ZRANB3: variants seen among roughly 807,000 people sequenced by gnomAD.
The protein encoded by ZRANB3 is DNA annealing helicase and endonuclease ZRANB3.
A neutral mutation model predicts 133.8 loss-of-function variants in ZRANB3; 125 were observed. The ratio of observed to expected loss-of-function variants is 0.93; its 90% CI spans 0.81 to 1.08. ZRANB3 has a LOEUF of 1.08. Among genes scored for constraint, ZRANB3 ranks in the 50% least tolerant of loss-of-function variants. The pLI is 0.00. For synonymous variants in ZRANB3, 387 were observed against 432.7 expected (o/e 0.89, Z 1.31); for missense variants, 1,229 against 1,275.5 (o/e 0.96, Z 0.56).
In ZRANB3 at chr2:135,343,592, TA is replaced by T. The variant is rs1301386639; in HGVS notation, c.677+1957del. ...CATGTGGTGTTATTTAAAGGAATTA[TA>T]AAAAAAAAATGCATTGGGAAACAAA... On this transcript the variant is annotated intron_variant, in intron 6 of 20. Transcript: ENST00000264159. 3.2e-4 allele frequency among the ~76,000 whole-genome samples: 46 copies of T among 144,566 alleles called. 1 individual carries two copies. Among genetic ancestry groups the T allele is most frequent in the Middle Eastern group, 6.9e-3 (2 of 288 alleles). The allele number at this position is 144,566 out of a possible 152,430, so 94.8% of individuals were successfully genotyped here.
intron 2 of ZRANB3, among the ~76,000 whole-genome samples, chr2:135,459,098 T>G (rs1238157577): frequency 6.6e-6 from 1 of 152,098 alleles, no homozygotes; most frequent in Non-Finnish European, 1.5e-5. Context: ...TGATAAAAAC[T>G]AAATGAAAGT....
At chr2:135,272,565 C>T (rs1338704405) in intron 9 of ZRANB3, among the ~76,000 whole-genome samples, 1 of 151,674 alleles carries the variant, frequency 6.6e-6, no homozygotes, top group East Asian at 1.9e-4. Flanking sequence ...AGGCGCCCGC[C>T]ACCACGCCCG....
At chr2:135,388,022 C>G (rs1427065242) in intron 3 of ZRANB3, among the ~76,000 whole-genome samples, 2 of 152,044 alleles carry the variant, frequency 1.3e-5, no homozygotes, top group East Asian at 3.9e-4. Flanking sequence ...AAAGACATAC[C>G]CGAGTCTGGG....
intron 2 of ZRANB3, among the ~76,000 whole-genome samples, chr2:135,415,753 C>T (rs1006999454): frequency 2.7e-4 from 40 of 150,054 alleles, no homozygotes; most frequent in East Asian, 1.6e-3. Flanking sequence ...AAAAAGCTTA[C>T]CCACCATGAT....
At chr2:135,477,908 G>C (rs1047915203) in intron 2 of ZRANB3, among the ~76,000 whole-genome samples, 26 of 152,018 alleles carry the variant, frequency 1.7e-4, no homozygotes, top group Non-Finnish European at 1.0e-4. Context: ...AGGACTGTTT[G>C]AGCCCTAGAG....
At chr2:135,373,703 G>A (rs962730472) in intron 3 of ZRANB3, among the ~76,000 whole-genome samples, 3 of 150,714 alleles carry the variant, frequency 2.0e-5, no homozygotes, top group African/African-American at 4.9e-5. Flanking sequence ...CATAAGAATC[G>A]CTTGAACACA....
At chr2:135,216,706 T>C (rs566205304) in intron 17 of ZRANB3, among the ~76,000 whole-genome samples, 1 of 152,144 alleles carries the variant, frequency 6.6e-6, no homozygotes, top group Non-Finnish European at 1.5e-5. Context: ...TCCCAAAGTG[T>C]TGGGATTACA....
chr2:135,372,215 A>C (rs1435474166), intron 3 of ZRANB3, among the ~76,000 whole-genome samples: 1 of 151,882 alleles, frequency 6.6e-6, no homozygotes, highest in African/African-American at 2.4e-5. Context: ...TTCAGAAAGC[A>C]ATCTCACCCC....
intron 2 of ZRANB3, among the ~76,000 whole-genome samples, chr2:135,412,472 T>C (rs1387367324): frequency 1.3e-5 from 2 of 152,194 alleles, no homozygotes; most frequent in Admixed American, 6.5e-5. Context: ...GCTTACTTTT[T>C]GTTGCTTTTT....
intron 17 of ZRANB3, 109 bp downstream of exon 17, chr2:135,217,356 A>G: frequency 9.3e-7 from 1 of 1,071,138 alleles, no homozygotes; most frequent in Non-Finnish European, 1.3e-6. Context: ...TAATTTTCTC[A>G]TAACTCATCA....
At chr2:135,479,403 G>A (rs1350243698) in intron 2 of ZRANB3, among the ~76,000 whole-genome samples, 1 of 152,146 alleles carries the variant, frequency 6.6e-6, no homozygotes, top group African/African-American at 2.4e-5. Flanking sequence ...GGGAGGCTGA[G>A]GCAGGCAGAT....
chr2:135,473,921 A>G (rs1691389554), intron 2 of ZRANB3, among the ~76,000 whole-genome samples: 1 of 152,212 alleles, frequency 6.6e-6, no homozygotes. Flanking sequence ...ACAGAGGCTC[A>G]TGCTTGTAAT....
chr2:135,277,394 TA>T (rs1680880711), intron 8 of ZRANB3, among the ~76,000 whole-genome samples: 2 of 152,286 alleles, frequency 1.3e-5, no homozygotes, highest in South Asian at 4.1e-4. Context: ...CTTGTAAATA[TA>T]AGCAACCAAC....
intron 2 of ZRANB3, among the ~76,000 whole-genome samples, chr2:135,430,968 C>T (rs1407460539): frequency 6.6e-6 from 1 of 151,952 alleles, no homozygotes; most frequent in Non-Finnish European, 1.5e-5. Context: ...AACGGTACAA[C>T]TTGTGAAAGA....
At chr2:135,381,072 G>C (rs1210283932) in intron 3 of ZRANB3, among the ~76,000 whole-genome samples, 1 of 152,156 alleles carries the variant, frequency 6.6e-6, no homozygotes, top group African/African-American at 2.4e-5. Flanking sequence ...ACCTGGAAGC[G>C]TAAGGGATCA....
At chr2:135,425,603 G>C (rs1689028457) in intron 2 of ZRANB3, among the ~76,000 whole-genome samples, 1 of 152,090 alleles carries the variant, frequency 6.6e-6, no homozygotes, top group Non-Finnish European at 1.5e-5. Context: ...GGTAAAAAAT[G>C]AAATTAAAGC....
At chr2:135,323,614 C>T (rs1468921835) in intron 6 of ZRANB3, among the ~76,000 whole-genome samples, 1 of 152,124 alleles carries the variant, frequency 6.6e-6, no homozygotes, top group Non-Finnish European at 1.5e-5. Flanking sequence ...AATTGGAGAT[C>T]ATCCCATCGG....
intron 2 of ZRANB3, among the ~76,000 whole-genome samples, chr2:135,484,432 G>GTAT (rs1231164763): frequency 6.6e-6 from 1 of 151,996 alleles, no homozygotes; most frequent in Non-Finnish European, 1.5e-5. Flanking sequence ...TAAATTTCAT[G>GTAT]TATTATTACA....
At chr2:135,369,998 A>ACT (rs1407349740) in intron 3 of ZRANB3, among the ~76,000 whole-genome samples, 1 of 139,592 alleles carries the variant, frequency 7.2e-6, no homozygotes, top group Non-Finnish European at 1.6e-5. Context: ...ATACACCCCC[A>ACT]CTCATCCTTA....
Sources: gnomAD v4.1 joint callset for allele counts (sites outside exome capture counted in the v4.1 genomes callset) on GRCh38, gnomAD v4.1.1 for gene constraint, MANE v1.5 for transcripts, NCBI Gene and HGNC (gene_info 2026-07-23, HGNC 2026-07-21) for gene names.